LRRC4C: variants seen among roughly 807,000 people sequenced by gnomAD.
The protein encoded by LRRC4C is leucine rich repeat containing 4C.
A neutral mutation model predicts 33.6 loss-of-function variants in LRRC4C; 5 were observed. That is an observed-to-expected ratio of 0.15 (90% CI 0.08 to 0.31). The LOEUF (loss-of-function observed/expected upper bound fraction) is 0.31. Ranked by LOEUF, LRRC4C falls within the 10% of genes least tolerant of loss-of-function variation. The pLI is 1.00. For synonymous variants in LRRC4C, 329 were observed against 302.0 expected, an observed-to-expected ratio of 1.09 and a Z score of -0.93; for missense variants, 560 against 796.7, an observed-to-expected ratio of 0.70 and a Z score of 3.58.
intron 3 of LRRC4C, among the ~76,000 whole-genome samples, chr11:40,508,010 G>A (rs1307424056): frequency 2.0e-5 from 3 of 152,090 alleles, no homozygotes; most frequent in Non-Finnish European, 4.4e-5. Context: ...GCCCACTTCA[G>A]CCTCCCAAAG....
intron 1 of LRRC4C, among the ~76,000 whole-genome samples, chr11:41,240,051 G>T (rs1056580515): frequency 6.6e-6 from 1 of 152,092 alleles, no homozygotes; most frequent in South Asian, 2.1e-4. Context: ...TAAAAGTCAG[G>T]TCTCTTATTT....
intron 5 of LRRC4C, among the ~76,000 whole-genome samples, chr11:40,226,372 C>T (rs1448111548): frequency 6.6e-6 from 1 of 152,196 alleles, no homozygotes; most frequent in African/African-American, 2.4e-5. Flanking sequence ...AGCCTCAATA[C>T]CACCACAGCA....
At chr11:40,613,854 A>G (rs1162538130) in intron 3 of LRRC4C, among the ~76,000 whole-genome samples, 2 of 151,856 alleles carry the variant, frequency 1.3e-5, no homozygotes, top group Admixed American at 1.3e-4. Context: ...GACGAGGTGC[A>G]TTGCTAATGA....
chr11:41,246,892 A>G (rs1304179454), intron 1 of LRRC4C, among the ~76,000 whole-genome samples: 2 of 152,212 alleles, frequency 1.3e-5, no homozygotes, highest in African/African-American at 2.4e-5. Flanking sequence ...GGGTAGAGAA[A>G]TTCTGAATTA....
intron 2 of LRRC4C, among the ~76,000 whole-genome samples, chr11:40,889,194 A>T (rs1200642124): frequency 6.6e-6 from 1 of 152,100 alleles, no homozygotes; most frequent in Non-Finnish European, 1.5e-5. Flanking sequence ...GTTCAGGAAT[A>T]TCCATACACA....
chr11:40,903,307 A>G (rs941728676), intron 2 of LRRC4C, among the ~76,000 whole-genome samples: 4 of 152,332 alleles, frequency 2.6e-5, no homozygotes, highest in African/African-American at 9.6e-5. Flanking sequence ...CTGCTAAGGA[A>G]AAAAATAATT....
At chr11:40,502,124 C>G (rs1453984286) in intron 3 of LRRC4C, among the ~76,000 whole-genome samples, 7 of 152,132 alleles carry the variant, frequency 4.6e-5, no homozygotes, top group Non-Finnish European at 1.0e-4. Flanking sequence ...CCAACTAGTT[C>G]CTCATCTCCA....
intron 5 of LRRC4C, among the ~76,000 whole-genome samples, chr11:40,186,295 C>G (rs561273577): frequency 6.6e-6 from 1 of 152,252 alleles, no homozygotes; most frequent in East Asian, 1.9e-4. Flanking sequence ...TTCTGAGTGT[C>G]TGGGAATTTC....
At chr11:40,201,379 T>A (rs1242182507) in intron 5 of LRRC4C, among the ~76,000 whole-genome samples, 2 of 152,090 alleles carry the variant, frequency 1.3e-5, no homozygotes, top group Non-Finnish European at 2.9e-5. Context: ...TTTTAAGCCC[T>A]TTTTTTGAGA....
intron 2 of LRRC4C, among the ~76,000 whole-genome samples, chr11:40,802,042 G>C (rs76123113): frequency 6.6e-6 from 1 of 152,122 alleles, no homozygotes; most frequent in Non-Finnish European, 1.5e-5. Context: ...ATTTTCCTCT[G>C]TGCTCACTGA....
intron 5 of LRRC4C, among the ~76,000 whole-genome samples, chr11:40,199,272 T>C (rs1311515972): frequency 6.6e-6 from 1 of 152,086 alleles, no homozygotes; most frequent in African/African-American, 2.4e-5. Context: ...GGTTTCACAA[T>C]GTTGGCCAGG....
chr11:40,781,906 T>C (rs1010312731), intron 2 of LRRC4C, among the ~76,000 whole-genome samples: 7 of 152,210 alleles, frequency 4.6e-5, no homozygotes, highest in Admixed American at 1.3e-4. Flanking sequence ...GGCTTTCTGC[T>C]CTGTAATTAA....
At chr11:40,891,442 T>C (rs927347365) in intron 2 of LRRC4C, among the ~76,000 whole-genome samples, 7 of 152,056 alleles carry the variant, frequency 4.6e-5, no homozygotes, top group African/African-American at 1.7e-4. Flanking sequence ...AAAATACCAA[T>C]GACATCCTTC....
chr11:41,454,616 T>C (rs1956123229), intron 1 of LRRC4C, among the ~76,000 whole-genome samples: 1 of 152,122 alleles, frequency 6.6e-6, no homozygotes, highest in Admixed American at 6.6e-5. Flanking sequence ...TGACTATTGC[T>C]CCTTATATTC....
At chr11:41,103,492 C>T (rs1053813312) in intron 1 of LRRC4C, among the ~76,000 whole-genome samples, 5 of 151,840 alleles carry the variant, frequency 3.3e-5, no homozygotes, top group Non-Finnish European at 5.9e-5. Flanking sequence ...AAGAATATTA[C>T]ATCTTCAACA....
intron 1 of LRRC4C, among the ~76,000 whole-genome samples, chr11:41,274,337 C>T (rs151082088): frequency 7.2e-5 from 11 of 152,130 alleles, no homozygotes; most frequent in Non-Finnish European, 1.0e-4. Context: ...ATAAACTCAA[C>T]GGGATCAAGG....
chr11:40,810,563 T>C (rs1302461680), intron 2 of LRRC4C, among the ~76,000 whole-genome samples: 2 of 152,174 alleles, frequency 1.3e-5, no homozygotes, highest in African/African-American at 4.8e-5. Context: ...TCTAATAACA[T>C]TTCAAGATGA....
intron 2 of LRRC4C, among the ~76,000 whole-genome samples, chr11:40,809,622 G>A (rs575728162): frequency 2.0e-3 from 307 of 152,126 alleles, no homozygotes; most frequent in Non-Finnish European, 3.3e-3. Context: ...AGCCTCATAA[G>A]GAAAGCAACG....
At chr11:40,363,420 G>A (rs1423886834) in intron 3 of LRRC4C, among the ~76,000 whole-genome samples, 1 of 152,130 alleles carries the variant, frequency 6.6e-6, no homozygotes, top group Non-Finnish European at 1.5e-5. Flanking sequence ...GGTGAAGGCT[G>A]GGAGGAGGGA....
Sources: gnomAD v4.1 joint callset for allele counts (sites outside exome capture counted in the v4.1 genomes callset) on GRCh38, gnomAD v4.1.1 for gene constraint, MANE v1.5 for transcripts, NCBI Gene and HGNC (gene_info 2026-07-23, HGNC 2026-07-21) for gene names.